The following SNTG1 variants were observed in gnomAD, a reference collection of about 807,000 sequenced individuals.
SNTG1 encodes gamma-1-syntrophin.
SNTG1 carries 39 observed loss-of-function variants against 74.7 expected under a neutral mutation model. The observed-to-expected ratio is 0.52, with a 90% CI of 0.40 to 0.68. The LOEUF is 0.68. Ranked by LOEUF, SNTG1 falls within the 30% of genes least tolerant of loss-of-function variation. SNTG1 has a pLI of 0.00. For synonymous variants in SNTG1, 254 were observed against 217.1 expected (o/e 1.17, Z -1.49); for missense variants, 685 against 609.5 (o/e 1.12, Z -1.30).
rs1016968955 is a variant in SNTG1 at position 50,062,849 on chromosome 8, A to C, written c.-102-109712A>C. On this transcript the variant is annotated intron_variant, in intron 1 of 18. Coordinates refer to ENST00000642720, the MANE Select transcript of SNTG1 (RefSeq NM_018967.5). ...ATTTTGTATTTTATTTCCATACATA[A>C]TATGTGCATATTTACCCAAAATTTT... Among the ~76,000 whole-genome samples the C allele has an allele frequency of 2.0e-5, 3 of 152,236 alleles. No homozygotes were observed. The South Asian group carries it at 6.2e-4, about 31-fold the overall frequency.
chr8:50,322,526 A>C (rs2090572459), intron 2 of SNTG1, among the ~76,000 whole-genome samples: 1 of 151,978 alleles, frequency 6.6e-6, no homozygotes, highest in South Asian at 2.1e-4. Flanking sequence ...TTTGGGTTAA[A>C]CCTGCTGGTG....
At chr8:50,412,594 G>T (rs1286618681) in intron 4 of SNTG1, among the ~76,000 whole-genome samples, 1 of 152,168 alleles carries the variant, frequency 6.6e-6, no homozygotes, top group Non-Finnish European at 1.5e-5. Flanking sequence ...TACAATGTGG[G>T]TGTGTATAGA....
intron 1 of SNTG1, among the ~76,000 whole-genome samples, chr8:50,026,423 G>T (rs1817268234): frequency 6.6e-6 from 1 of 152,114 alleles, no homozygotes; most frequent in Non-Finnish European, 1.5e-5. Flanking sequence ...CAGCGAGTTG[G>T]CTCATTTGGC....
At chr8:50,783,507 C>T (rs1031655066) in intron 18 of SNTG1, among the ~76,000 whole-genome samples, 6 of 152,154 alleles carry the variant, frequency 3.9e-5, no homozygotes, top group African/African-American at 1.2e-4. Flanking sequence ...GAGCCATGTG[C>T]AGGATATAAT....
At chr8:50,073,768 G>C in intron 1 of SNTG1, among the ~76,000 whole-genome samples, 1 of 151,892 alleles carries the variant, frequency 6.6e-6, no homozygotes, top group Middle Eastern at 3.4e-3. Flanking sequence ...GGGTATTCAC[G>C]TGCATTATCA....
intron 2 of SNTG1, among the ~76,000 whole-genome samples, chr8:50,266,684 G>GTGTATATATATA (rs371676511): frequency 7.3e-6 from 1 of 136,812 alleles, no homozygotes; most frequent in African/African-American, 2.9e-5. Flanking sequence ...GTGTGTGTGT[G>GTGTATATATATA]TATATATATA....
At chr8:49,928,159 A>T in intron 1 of SNTG1, among the ~76,000 whole-genome samples, 1 of 148,648 alleles carries the variant, frequency 6.7e-6, no homozygotes, top group African/African-American at 2.4e-5. Context: ...AAATAAATAA[A>T]TAAATAAATA....
intron 8 of SNTG1, among the ~76,000 whole-genome samples, chr8:50,460,345 T>G (rs924191472): frequency 1.3e-5 from 2 of 152,196 alleles, no homozygotes; most frequent in East Asian, 1.9e-4. Flanking sequence ...GTTTTTTGCT[T>G]GTTCTATTGT....
intron 15 of SNTG1, among the ~76,000 whole-genome samples, chr8:50,698,834 TTA>T (rs1352389257): frequency 6.6e-6 from 1 of 152,082 alleles, no homozygotes; most frequent in Non-Finnish European, 1.5e-5. Flanking sequence ...GTGGCCTGAA[TTA>T]TATGATTCTA....
chr8:50,028,630 A>G (rs1314983482), intron 1 of SNTG1, among the ~76,000 whole-genome samples: 4 of 151,866 alleles, frequency 2.6e-5, no homozygotes, highest in Non-Finnish European at 5.9e-5. Context: ...TGGGAGATAT[A>G]CCTAATGCTA....
intron 2 of SNTG1, among the ~76,000 whole-genome samples, chr8:50,280,675 G>T (rs1028619709): frequency 1.3e-5 from 2 of 152,166 alleles, no homozygotes; most frequent in Non-Finnish European, 2.9e-5. Flanking sequence ...TTGGTTGAAA[G>T]AGTTAAGTTA....
chr8:49,941,275 G>A (rs992223537), intron 1 of SNTG1, among the ~76,000 whole-genome samples: 2 of 151,940 alleles, frequency 1.3e-5, no homozygotes, highest in Admixed American at 1.3e-4. Context: ...TGAAGAGGTT[G>A]AACAGCTCCC....
intron 1 of SNTG1, among the ~76,000 whole-genome samples, chr8:49,934,301 A>G (rs907181021): frequency 8.0e-5 from 12 of 149,590 alleles, no homozygotes; most frequent in African/African-American, 2.8e-4. Flanking sequence ...CTATCTATCT[A>G]TCTATCTATC....
chr8:50,389,680 A>G (rs2092626983), intron 2 of SNTG1, among the ~76,000 whole-genome samples: 1 of 152,156 alleles, frequency 6.6e-6, no homozygotes, highest in South Asian at 2.1e-4. Flanking sequence ...CAATGGTTGA[A>G]CTAGTTTACA....
At chr8:50,447,882 C>G (rs186507833) in intron 5 of SNTG1, among the ~76,000 whole-genome samples, 1 of 152,258 alleles carries the variant, frequency 6.6e-6, no homozygotes, top group East Asian at 1.9e-4. Context: ...GGGATTAGTC[C>G]TAATCTTATT....
chr8:50,467,137 G>A (rs917951394), intron 8 of SNTG1, among the ~76,000 whole-genome samples: 2 of 151,544 alleles, frequency 1.3e-5, no homozygotes, highest in Non-Finnish European at 3.0e-5. Flanking sequence ...TTTTTGTAAC[G>A]CTTTTAAAAA....
intron 12 of SNTG1, among the ~76,000 whole-genome samples, chr8:50,556,724 G>A (rs2094457668): frequency 6.6e-6 from 1 of 152,242 alleles, no homozygotes. Context: ...TGATGGGTAG[G>A]TTAGTAAGAT....
At chr8:50,335,938 G>A (rs1163805812) in intron 2 of SNTG1, among the ~76,000 whole-genome samples, 1 of 151,374 alleles carries the variant, frequency 6.6e-6, no homozygotes, top group Admixed American at 6.6e-5. Context: ...TGTTATATAG[G>A]TATATAACAA....
At position 50,687,320 on chromosome 8, in the gene SNTG1, T is replaced by C. The variant is rs1345199686; in HGVS notation, c.1039-17280T>C. On this transcript the variant is annotated intron_variant, in intron 15 of 18. Coordinates refer to ENST00000642720, the MANE Select transcript of SNTG1 (RefSeq NM_018967.5). ...AAATCCTTAACTATCAATACTAATC[T>C]TGAGTAGAAATGAATTAAATTCTCC... Among the ~76,000 whole-genome samples, 3 of 152,054 alleles carry C rather than the reference T, an allele frequency of 2.0e-5. No individual in the cohort carries two copies. In the East Asian group the frequency reaches 5.8e-4, roughly 29 times the overall value.
Sources: gnomAD v4.1 joint callset for allele counts (sites outside exome capture counted in the v4.1 genomes callset) on GRCh38, gnomAD v4.1.1 for gene constraint, MANE v1.5 for transcripts, NCBI Gene and HGNC (gene_info 2026-07-23, HGNC 2026-07-21) for gene names.